SLC23A2: variants seen among roughly 807,000 people sequenced by gnomAD.
The protein encoded by SLC23A2 is Na(+)/L-ascorbic acid transporter 2.
Under a neutral mutation model 73.3 loss-of-function variants are expected in SLC23A2, and 36 were observed. The observed-to-expected ratio is 0.49, with a 90% confidence interval of 0.38 to 0.65. The LOEUF is 0.65. Ranked by LOEUF, SLC23A2 falls within the 30% of genes least tolerant of loss-of-function variation. The pLI is 0.00. For missense variants in SLC23A2, 507 were observed against 841.6 expected (o/e 0.60, Z 4.92); for synonymous variants, 343 against 327.3 (o/e 1.05, Z -0.52).
chr20:4,993,045 G>C (rs912553842), intron 1 of SLC23A2, among the ~76,000 whole-genome samples: 1 of 151,730 alleles, frequency 6.6e-6, no homozygotes, highest in Non-Finnish European at 1.5e-5. Flanking sequence ...TTGGGAGGCC[G>C]AGGCAGGTGG....
At chr20:4,927,114 C>CA (rs1447496333) in intron 3 of SLC23A2, among the ~76,000 whole-genome samples, 1 of 151,978 alleles carries the variant, frequency 6.6e-6, no homozygotes, top group African/African-American at 2.4e-5. Flanking sequence ...CAGAGATGGG[C>CA]TAGCCACTAG....
intron 2 of SLC23A2, among the ~76,000 whole-genome samples, chr20:4,958,680 G>A (rs1027602965): frequency 4.6e-5 from 7 of 151,734 alleles, no homozygotes; most frequent in African/African-American, 9.7e-5. Context: ...GACCTGCCTC[G>A]GCCTCCCAAA....
At chr20:4,900,576 GC>G (rs1173268703) in intron 5 of SLC23A2, among the ~76,000 whole-genome samples, 1 of 152,158 alleles carries the variant, frequency 6.6e-6, no homozygotes. Flanking sequence ...AGTTACATAA[GC>G]TTCATAAGTT....
chr20:4,869,683 G>A (rs961813443), intron 12 of SLC23A2: 243 of 486,490 alleles, frequency 5.0e-4, no homozygotes, highest in Admixed American at 7.5e-5. Context: ...TAGGAATTCC[G>A]TTCCACGTCA....
chr20:4,925,868 G>A (rs764756987), intron 3 of SLC23A2, among the ~76,000 whole-genome samples: 9 of 152,072 alleles, frequency 5.9e-5, no homozygotes, highest in South Asian at 2.1e-4. Context: ...TCATCTGACC[G>A]GCAAGGCCCA....
rs1930032029 is a variant in SLC23A2, at chr20:4,862,899, G to A, written c.1365C>T (p.Ser455=). Residue 455 remains serine, a synonymous_variant, in exon 14 of 17, where the codon AGC becomes AGT. Coordinates refer to ENST00000338244, the MANE Select transcript of SLC23A2 (RefSeq NM_005116.6). The surrounding 1 kb of genome is among the most constrained non-coding windows in gnomAD (Gnocchi z 5.1). ...IGVLGITKVG[S]RRVIQCGAAL... is the part of the protein sequence containing the mutation. ...CTGCTCCGCACTGTATCACGCGGCG[G>A]CTGCCGACCTGCAGAACACACAGGA... 1 of 1,610,284 alleles carries A rather than the reference G, an allele frequency of 6.2e-7. No individual in the cohort carries two copies. The highest frequency in any genetic ancestry group is 8.5e-7 in the Non-Finnish European group (1 of 1,177,410).
At chr20:4,985,523 C>T (rs926141591) in intron 1 of SLC23A2, among the ~76,000 whole-genome samples, 1 of 151,806 alleles carries the variant, frequency 6.6e-6, no homozygotes, top group Non-Finnish European at 1.5e-5. Flanking sequence ...TCTCGGCTCA[C>T]TGCAACCTCC....
At chr20:4,971,543 AG>A (rs1031412311) in intron 1 of SLC23A2, among the ~76,000 whole-genome samples, 128 of 149,294 alleles carry the variant, frequency 8.6e-4, no homozygotes, top group African/African-American at 2.7e-3. Flanking sequence ...ACCTGTAGGG[AG>A]GCTGGGATGG....
At chr20:4,941,671 C>T (rs1181182869) in intron 2 of SLC23A2, among the ~76,000 whole-genome samples, 1 of 150,760 alleles carries the variant, frequency 6.6e-6, no homozygotes, top group East Asian at 1.9e-4. Flanking sequence ...CACGGCACTC[C>T]AGTCTGGGTG....
intron 1 of SLC23A2, among the ~76,000 whole-genome samples, chr20:4,980,181 T>C (rs1024392743): frequency 6.6e-6 from 1 of 152,190 alleles, no homozygotes; most frequent in Non-Finnish European, 1.5e-5. Flanking sequence ...GTCTCTGGCA[T>C]GTATGTTAGG....
chr20:4,978,324 A>C (rs1422592238), intron 1 of SLC23A2, among the ~76,000 whole-genome samples: 1 of 152,208 alleles, frequency 6.6e-6, no homozygotes, highest in African/African-American at 2.4e-5. Flanking sequence ...CCTTCAACTA[A>C]GCTGAAAATC....
At chr20:4,884,345 C>T (rs1484956788) in intron 8 of SLC23A2, among the ~76,000 whole-genome samples, 3 of 152,250 alleles carry the variant, frequency 2.0e-5, no homozygotes, top group Admixed American at 6.5e-5. Flanking sequence ...TTCATGTCTG[C>T]TTCTGTTCAA....
chr20:4,902,315 CT>C lies in SLC23A2; in HGVS notation c.324+126del. The C allele has an allele frequency of 1.6e-6, 1 of 609,998 alleles. No homozygotes were observed. Among genetic ancestry groups the C allele is most frequent in the South Asian group, 2.0e-5 (1 of 49,438 alleles). 37.8% of individuals were successfully genotyped at this position (609,998 alleles called of 1,614,324 possible). ...CACTGTGCTCAGCCCCTACTCATCA[CT>C]CTTAAAAGAGGAATTTATAAAAGTC... On this transcript the variant is annotated intron_variant, in intron 5 of 16. Coordinates refer to ENST00000338244, the MANE Select transcript of SLC23A2 (RefSeq NM_005116.6). This position sits in a 1 kb window ranked among gnomAD's most constrained non-coding sequence, Gnocchi z 4.0.
At chr20:4,964,078 C>T (rs2087435508) in intron 2 of SLC23A2, among the ~76,000 whole-genome samples, 1 of 151,320 alleles carries the variant, frequency 6.6e-6, no homozygotes, top group South Asian at 2.1e-4. Flanking sequence ...ACAATCATGA[C>T]TCACTGCAGC....
At position 4,892,430 on chromosome 20, in the gene SLC23A2, G is replaced by A. The variant is rs141350697; in HGVS notation, c.483-6521C>T. On this transcript the variant is annotated intron_variant, in intron 6 of 16. Coordinates refer to ENST00000338244, the MANE Select transcript of SLC23A2 (RefSeq NM_005116.6). ...TCCAACTCCTGACCTCAGGTGATCC[G>A]CCCGCCTCAGCCTCCCAAAGTGCTG... 2.8e-3 allele frequency among the ~76,000 whole-genome samples: 420 copies of A among 150,892 alleles called. 2 individuals carry two copies. The highest frequency in any genetic ancestry group is 9.4e-3 in the African/African-American group (385 of 41,106).
chr20:5,000,387 G>T (rs2088098632), intron 1 of SLC23A2, among the ~76,000 whole-genome samples: 2 of 152,092 alleles, frequency 1.3e-5, no homozygotes, highest in Admixed American at 1.3e-4. Context: ...GAGGTCACAT[G>T]GCCAATTAGT....
intron 3 of SLC23A2, among the ~76,000 whole-genome samples, chr20:4,929,270 A>G (rs1388830706): frequency 6.6e-6 from 1 of 151,786 alleles, no homozygotes; most frequent in Non-Finnish European, 1.5e-5. Flanking sequence ...TGTGTAAAAA[A>G]AAAAAGAAAA....
chr20:4,943,954 A>G (rs2087080586), intron 2 of SLC23A2, among the ~76,000 whole-genome samples: 1 of 152,108 alleles, frequency 6.6e-6, no homozygotes, highest in Non-Finnish European at 1.5e-5. Context: ...AAGACAAACC[A>G]TTCTACGGGA....
chr20:4,902,107 G>A lies in SLC23A2; in HGVS notation c.324+335C>T, dbSNP rs988140494. 1.3e-5 allele frequency among the ~76,000 whole-genome samples: 2 copies of A among 152,124 alleles called. No individual in the cohort carries two copies. The highest frequency in any genetic ancestry group is 6.6e-5 in the Admixed American group (1 of 15,266). ...GCTCACTGCAACCTCAACCTCAAGC[G>A]ATCCTCCTGCCTCAGCCTCTTGAGT... On this transcript the variant is annotated intron_variant, in intron 5 of 16. Coordinates refer to ENST00000338244, the MANE Select transcript of SLC23A2 (RefSeq NM_005116.6). This position sits in a 1 kb window ranked among gnomAD's most constrained non-coding sequence, Gnocchi z 4.0.
Sources: gnomAD v4.1 joint callset for allele counts (sites outside exome capture counted in the v4.1 genomes callset) on GRCh38, gnomAD v4.1.1 for gene constraint, Gnocchi (gnomAD v3.1) non-coding constraint, MANE v1.5 for transcripts, NCBI Gene and HGNC (gene_info 2026-07-23, HGNC 2026-07-21) for gene names.